The following PEAR1 variants were observed in gnomAD, a reference collection of about 807,000 sequenced individuals.
PEAR1 encodes platelet endothelial aggregation receptor 1.
Under a neutral mutation model 131.2 loss-of-function variants are expected in PEAR1, and 113 were observed. That is an observed-to-expected ratio of 0.86 (90% confidence interval 0.74 to 1.01). The LOEUF (loss-of-function observed/expected upper bound fraction) is 1.01, where lower values mean the gene tolerates loss of function less well. Ranked by LOEUF, PEAR1 falls within the 50% of genes least tolerant of loss-of-function variation. The probability of loss-of-function intolerance (pLI) is 0.00; values close to 1 mark genes in which losing one functional copy is unlikely to be tolerated. For missense variants in PEAR1, 1,408 were observed against 1,391.1 expected, an observed-to-expected ratio of 1.01 and a Z score of -0.19; for synonymous variants, 565 against 523.3, an observed-to-expected ratio of 1.08 and a Z score of -1.09.
In PEAR1 at chr1:156,913,456, T is replaced by C. The variant is rs1651500062; in HGVS notation, c.2577T>C (p.Asp859=). The C allele has an allele frequency of 3.7e-6, 6 of 1,613,678 alleles. No homozygotes were observed. The highest frequency in any genetic ancestry group is 5.1e-6 in the Non-Finnish European group (6 of 1,180,016). The change falls in exon 20 of 23, where the codon GAT becomes GAC. Residue 859 remains aspartate, a synonymous_variant. Transcript: ENST00000292357. ...PERPGGAQGH[D]NHTTLPADWK... The stretch of plus-strand genomic sequence containing the variant: ...GGCCAGGTGGGGCCCAAGGGCATGA[T>C]AACCACACCACCCTGCCTGCTGACT...
chr1:156,911,642 A>T, intron 15 of PEAR1, among the ~76,000 whole-genome samples: 1 of 152,014 alleles, frequency 6.6e-6, no homozygotes, highest in Non-Finnish European at 1.5e-5. Context: ...TATATTAATA[A>T]ATACATGTAT....
chr1:156,903,132 A>G (rs1004669527), intron 1 of PEAR1, among the ~76,000 whole-genome samples: 1 of 152,072 alleles, frequency 6.6e-6, no homozygotes, highest in East Asian at 1.9e-4. Context: ...ATCACTGAAC[A>G]TGTTGCTAGG....
chr1:156,904,884 G>C, intron 3 of PEAR1, 32 bp downstream of exon 3: 1 of 1,613,458 alleles, frequency 6.2e-7, no homozygotes, highest in Non-Finnish European at 8.5e-7. Context: ...TGGGTGGATG[G>C]GCTACCTGAG....
At chr1:156,911,202 T>G (rs1200912576) in intron 15 of PEAR1, among the ~76,000 whole-genome samples, 1 of 119,554 alleles carries the variant, frequency 8.4e-6, no homozygotes, top group African/African-American at 3.7e-5. Context: ...TTTCTTTCTT[T>G]TCTTTCTTTC....
In PEAR1 at chr1:156,908,133, G is replaced by A. The variant is rs199628333; in HGVS notation, c.908G>A (p.Arg303Gln). 1.3e-6 allele frequency: 2 copies of A among 1,597,806 alleles called. No homozygotes were observed. The highest frequency in any genetic ancestry group is 2.2e-5 in the East Asian group (1 of 44,486). The change falls in exon 9 of 23, where the codon CGG becomes CAG. Residue 303 changes from arginine to glutamine, a missense_variant. Coordinates refer to ENST00000292357, the MANE Select transcript of PEAR1 (RefSeq NM_001080471.3). The surrounding 1 kb of genome is among the most constrained non-coding windows in gnomAD (Gnocchi z 4.2). ...TCACTCAGCTAGGTGCCCAGGTGCC[G>A]GGAGGAGTGCCCGGTGGGCCGCTTT... ...CAPGYTGDRC[R>Q]EECPVGRFGQ... is the part of the protein sequence containing the mutation.
At position 156,908,028 on chromosome 1, in the gene PEAR1, C is replaced by G. The variant is rs761380660; in HGVS notation, c.879C>G (p.Cys293Trp). 3 of 1,567,956 alleles carry G rather than the reference C, an allele frequency of 1.9e-6. No homozygotes were observed. The highest frequency in any genetic ancestry group is 2.6e-6 in the Non-Finnish European group (3 of 1,156,266). Residue 293 changes from cysteine (C) to tryptophan (W), a missense_variant, in exon 8 of 23, where the codon TGC becomes TGG. Physicochemically the swap from Cys to Trp is radical, Grantham distance 215. Transcript: ENST00000292357. This position sits in a 1 kb window ranked among gnomAD's most constrained non-coding sequence, Gnocchi z 4.2. ...LCDRFTGQCR[C>W]APGYTGDRCR... The stretch of plus-strand genomic sequence containing the variant: ...ACCGATTCACTGGGCAGTGCCGCTG[C>G]GCTCCGGGTTACACTGGGGATCGGT...
At chr1:156,907,146 C>T (rs545923667) in intron 6 of PEAR1, among the ~76,000 whole-genome samples, 16 of 152,246 alleles carry the variant, frequency 1.1e-4, no homozygotes, top group Non-Finnish European at 1.6e-4. Context: ...TGAGGTAGCA[C>T]GTGTGTGAAG....
Position 156,903,977 on chromosome 1 carries a change from G to C in PEAR1, c.51G>C (p.Leu17=). Residue 17 remains leucine, a synonymous_variant, in exon 2 of 23, where the codon CTG becomes CTC. Coordinates refer to ENST00000292357, the MANE Select transcript of PEAR1 (RefSeq NM_001080471.3). ...TTCTCCTGGCTGTGGGCCTGCGGCT[G>C]GCTGGAACTCTCAACCCCAGTGATC... ...PLLLLAVGLR[L]AGTLNPSDPN... 6.2e-7 allele frequency: 1 copy of C among 1,614,106 alleles called. No individual in the cohort carries two copies. Among genetic ancestry groups the C allele is most frequent in the South Asian group, 1.1e-5 (1 of 91,088 alleles).
chr1:156,896,568 G>A (rs1558120881), intron 1 of PEAR1, among the ~76,000 whole-genome samples: 1 of 152,258 alleles, frequency 6.6e-6, no homozygotes, highest in South Asian at 2.1e-4. Context: ...GATCCCTGCA[G>A]GTGAGTGGGC....
intron 15 of PEAR1, among the ~76,000 whole-genome samples, chr1:156,911,047 T>A (rs1031348087): frequency 9.3e-6 from 1 of 107,414 alleles, no homozygotes; most frequent in African/African-American, 5.5e-5. Flanking sequence ...TTTTCTTTCT[T>A]TCTTTCTTTC....
At chr1:156,901,623 C>T (rs930267108) in intron 1 of PEAR1, among the ~76,000 whole-genome samples, 2 of 152,172 alleles carry the variant, frequency 1.3e-5, no homozygotes, top group African/African-American at 4.8e-5. Flanking sequence ...GGGTGATGAG[C>T]CTGGCTTCAG....
In PEAR1 at chr1:156,910,081, C is replaced by A. The variant is rs755739282; in HGVS notation, c.1651C>A (p.Arg551Ser). Residue 551 changes from arginine (R) to serine (S), a missense_variant, in exon 13 of 23, where the codon CGC (arginine) becomes AGC (serine). Arg to Ser is a moderately radical substitution (Grantham distance 110, BLOSUM62 -1). Transcript: ENST00000292357. The part of the protein sequence containing the change: ...HSDGCDPVHG[R>S]CQCQAGWMGA... Reference sequence around the variant, plus strand: ...TGATGGCTGTGACCCTGTTCATGGACGCTGTCAGTGCCAGGCTGGCTGGAT... The same window carrying A: ...TGATGGCTGTGACCCTGTTCATGGAAGCTGTCAGTGCCAGGCTGGCTGGAT... 3 of 1,614,156 alleles carry A rather than the reference C, an allele frequency of 1.9e-6. 1 individual carries two copies. The highest frequency in any genetic ancestry group is 1.7e-5 in the Admixed American group (1 of 60,026).
chr1:156,909,644 A>C (rs1570974197), intron 11 of PEAR1, 107 bp from the exon 12 acceptor site: 13 of 1,211,104 alleles, frequency 1.1e-5, no homozygotes, highest in African/African-American at 1.5e-5. Flanking sequence ...AACACCCCCC[A>C]CCCACCCCAG....
chr1:156,913,097 G>A (rs1316256522), intron 18 of PEAR1, 97 bp from the exon 19 acceptor site: 4 of 1,551,766 alleles, frequency 2.6e-6, no homozygotes, highest in Non-Finnish European at 3.5e-6. Context: ...AGGAAGGGAG[G>A]TCAGGGAGGC....
chr1:156,913,328 C>T (rs778750490), intron 19 of PEAR1, 46 bp downstream of exon 19: 14 of 1,600,962 alleles, frequency 8.7e-6, no homozygotes, highest in African/African-American at 8.0e-5. Flanking sequence ...AGCGCACAGA[C>T]CAGCTTCTCT....
At chr1:156,909,721 C>T in intron 11 of PEAR1, 30 bp from the exon 12 acceptor site, 3 of 1,572,500 alleles carry the variant, frequency 1.9e-6, no homozygotes, top group South Asian at 1.2e-5. Context: ...AAATGGGTCC[C>T]CATACCTACC....
chr1:156,910,455 C>A, intron 14 of PEAR1, 75 bp downstream of exon 14: 2 of 1,543,540 alleles, frequency 1.3e-6, no homozygotes, highest in South Asian at 2.5e-5. Flanking sequence ...AGCACCCCTC[C>A]CCCCGCGCCC....
At chr1:156,907,528 G>T in intron 6 of PEAR1, 82 bp from the exon 7 acceptor site, 9 of 1,538,254 alleles carry the variant, frequency 5.9e-6, no homozygotes, top group Non-Finnish European at 7.9e-6. Flanking sequence ...TGAGGTGGGG[G>T]TTGTGGGGGC....
At position 156,902,787 on chromosome 1, in the gene PEAR1, G is replaced by A. The variant is rs1259685837; in HGVS notation, c.-9-1131G>A. On this transcript the variant is annotated intron_variant, in intron 1 of 22. Transcript: ENST00000292357. This position sits in a 1 kb window ranked among gnomAD's most constrained non-coding sequence, Gnocchi z 4.3. ...GAATGCAGACCCTGAAGCCGGCTGC[G>A]GGGATGGGCACTGCGGTAACTCATC... 6.6e-6 allele frequency among the ~76,000 whole-genome samples: 1 copy of A among 152,164 alleles called. No individual in the cohort carries two copies. Among genetic ancestry groups the A allele is most frequent in the Admixed American group, 6.5e-5 (1 of 15,286 alleles).
Sources: allele counts gnomAD v4.1 joint callset (sites outside exome capture counted in the v4.1 genomes callset), GRCh38; gene constraint gnomAD v4.1.1; non-coding constraint Gnocchi (gnomAD v3.1); transcripts MANE v1.5; gene names NCBI Gene and HGNC (gene_info 2026-07-23, HGNC 2026-07-21).